Variants in UNC5C observed in about 807,000 individuals in gnomAD.
UNC5C encodes netrin receptor UNC5C.
UNC5C carries 47 observed loss-of-function variants against 99.8 expected under a neutral mutation model. The ratio of observed to expected loss-of-function variants is 0.47; its 90% CI spans 0.37 to 0.60. The LOEUF is 0.60. Among genes scored for constraint, UNC5C ranks in the 20% least tolerant of loss-of-function variants. The pLI, the probability that UNC5C is intolerant of heterozygous loss-of-function variation, is 0.00. For missense variants in UNC5C, 1,062 were observed against 1,165.9 expected (o/e 0.91, Z 1.30); for synonymous variants, 487 against 452.2 (o/e 1.08, Z -0.98).
At chr4:95,539,276 C>T (rs1298453193) in intron 1 of UNC5C, among the ~76,000 whole-genome samples, 1 of 152,190 alleles carries the variant, frequency 6.6e-6, no homozygotes, top group Non-Finnish European at 1.5e-5. Context: ...AGCAGTTCTC[C>T]TCCACGGCTT....
At chr4:95,355,894 CT>C (rs1388702898) in intron 1 of UNC5C, among the ~76,000 whole-genome samples, 1 of 151,836 alleles carries the variant, frequency 6.6e-6, no homozygotes, top group Non-Finnish European at 1.5e-5. Context: ...GTGTTAATGC[CT>C]TGTTAAGACT....
intron 7 of UNC5C, chr4:95,222,141 T>G (rs1174129162): frequency 2.6e-6 from 3 of 1,162,686 alleles, no homozygotes; most frequent in Non-Finnish European, 3.5e-6. Flanking sequence ...CGAAGAAAGG[T>G]AAACTTGAAC....
chr4:95,354,988 A>C (rs918761060), intron 1 of UNC5C, among the ~76,000 whole-genome samples: 5 of 151,998 alleles, frequency 3.3e-5, no homozygotes, highest in African/African-American at 1.2e-4. Flanking sequence ...ATGCTCAGGG[A>C]GTTGAATTTG....
intron 1 of UNC5C, among the ~76,000 whole-genome samples, chr4:95,392,391 C>G (rs555063687): frequency 1.3e-5 from 2 of 151,180 alleles, no homozygotes; most frequent in East Asian, 2.0e-4. Context: ...AATTTATATA[C>G]TTAACAAAGG....
At chr4:95,218,547 T>C (rs546542730) in intron 9 of UNC5C, among the ~76,000 whole-genome samples, 1 of 152,320 alleles carries the variant, frequency 6.6e-6, no homozygotes, top group Admixed American at 6.5e-5. Flanking sequence ...CCTCTGATGA[T>C]CAAAAAATTT....
At chr4:95,201,255 G>A (rs1737644185) in intron 12 of UNC5C, among the ~76,000 whole-genome samples, 2 of 152,078 alleles carry the variant, frequency 1.3e-5, no homozygotes, top group African/African-American at 4.8e-5. Flanking sequence ...TTGCTTCTAT[G>A]ACTCAGAGGC....
intron 10 of UNC5C, 100 bp downstream of exon 10, chr4:95,216,024 C>T (rs1232810878): frequency 1.1e-6 from 1 of 934,788 alleles, no homozygotes; most frequent in Non-Finnish European, 1.6e-6. Flanking sequence ...AGAAGCAAGG[C>T]ACTTGAGACA....
chr4:95,248,418 A>T lies in UNC5C; in HGVS notation c.775+2069T>A, dbSNP rs553315567. On this transcript the variant is annotated intron_variant, in intron 5 of 15. Coordinates refer to ENST00000453304, the MANE Select transcript of UNC5C (RefSeq NM_003728.4). ...AATTATGTGTTAAGGCTAAAAGAAG[A>T]TTAAGAGTTATTTTAATAAGATCGA... The T allele has an allele frequency of 3.1e-4, 118 of 378,084 alleles. 3 individuals carry two copies. The highest frequency in any genetic ancestry group is 2.3e-3 in the South Asian group (114 of 50,080). The allele number at this position is 378,084 out of a possible 1,614,324, so 23.4% of individuals were successfully genotyped here. A position where few individuals can be genotyped will look rare whatever the true frequency, so the allele number is the denominator to read the frequency against.
intron 1 of UNC5C, among the ~76,000 whole-genome samples, chr4:95,535,399 C>T (rs17386091): frequency 0.52 from 78,956 of 151,934 alleles, 20,855 homozygotes; most frequent in East Asian, 0.62. Context: ...TTCATAGTAA[C>T]GTCAAGTGAA....
At chr4:95,524,565 C>A (rs1344745058) in intron 1 of UNC5C, among the ~76,000 whole-genome samples, 2 of 152,122 alleles carry the variant, frequency 1.3e-5, no homozygotes, top group East Asian at 1.9e-4. Context: ...CCATATTGGG[C>A]CCATATTCCT....
At chr4:95,443,710 T>G (rs2149464451) in intron 1 of UNC5C, among the ~76,000 whole-genome samples, 2 of 152,318 alleles carry the variant, frequency 1.3e-5, no homozygotes, top group South Asian at 4.1e-4. Context: ...TATACAGAAT[T>G]CTATCAATAT....
intron 2 of UNC5C, among the ~76,000 whole-genome samples, chr4:95,334,914 T>C (rs1743273052): frequency 6.6e-6 from 1 of 152,010 alleles, no homozygotes; most frequent in Admixed American, 6.6e-5. Flanking sequence ...GGATTCACTT[T>C]GGATGTAAGT....
At chr4:95,345,396 T>C (rs1743734202) in intron 1 of UNC5C, among the ~76,000 whole-genome samples, 1 of 151,930 alleles carries the variant, frequency 6.6e-6, no homozygotes, top group South Asian at 2.1e-4. Flanking sequence ...TAGACCTCAA[T>C]ACAGTTAAAG....
intron 1 of UNC5C, among the ~76,000 whole-genome samples, chr4:95,385,572 A>C (rs1227404808): frequency 1.3e-5 from 2 of 152,212 alleles, no homozygotes; most frequent in African/African-American, 4.8e-5. Context: ...GGAAATAAAA[A>C]AAAAGTGCTT....
At chr4:95,345,964 T>G (rs1743754975) in intron 1 of UNC5C, among the ~76,000 whole-genome samples, 1 of 151,432 alleles carries the variant, frequency 6.6e-6, no homozygotes, top group African/African-American at 2.4e-5. Flanking sequence ...TATAGCAAAC[T>G]AAACCCAAAA....
At chr4:95,420,446 C>A (rs546627260) in intron 1 of UNC5C, among the ~76,000 whole-genome samples, 1 of 152,228 alleles carries the variant, frequency 6.6e-6, no homozygotes, top group East Asian at 1.9e-4. Context: ...TTAGCCCTTA[C>A]ACTCTTTTAT....
At chr4:95,363,812 A>C (rs918014838) in intron 1 of UNC5C, among the ~76,000 whole-genome samples, 2 of 152,166 alleles carry the variant, frequency 1.3e-5, no homozygotes, top group Admixed American at 1.3e-4. Flanking sequence ...TCCAGGAGTC[A>C]AATTTAGACC....
chr4:95,348,776 T>C lies in UNC5C; in HGVS notation c.125-13145A>G, dbSNP rs375741730. On this transcript the variant is annotated intron_variant, in intron 1 of 15. Transcript: ENST00000453304. ...AAAAAGATTTTTTATGACTGAATGG[T>C]ATTTAGTTATAAAAAAAGACTGTTT... 1.5e-4 allele frequency among the ~76,000 whole-genome samples: 23 copies of C among 151,466 alleles called. No individual in the cohort carries two copies. The South Asian group carries it at 4.4e-3, about 29-fold the overall frequency.
At chr4:95,287,805 C>T (rs1741290310) in intron 3 of UNC5C, among the ~76,000 whole-genome samples, 2 of 152,172 alleles carry the variant, frequency 1.3e-5, no homozygotes, top group Non-Finnish European at 2.9e-5. Context: ...CATGTCACTG[C>T]TTAGTTTTAC....
Sources: gnomAD v4.1 joint callset for allele counts (sites outside exome capture counted in the v4.1 genomes callset) on GRCh38, gnomAD v4.1.1 for gene constraint, MANE v1.5 for transcripts, NCBI Gene and HGNC (gene_info 2026-07-23, HGNC 2026-07-21) for gene names.